Variants in SHISA9 observed in about 807,000 individuals in gnomAD.
SHISA9 encodes the protein shisa family member 9.
SHISA9 carries 13 observed loss-of-function variants against 38.0 expected under a neutral mutation model. The ratio of observed to expected loss-of-function variants is 0.34; its 90% confidence interval spans 0.22 to 0.54. The LOEUF (loss-of-function observed/expected upper bound fraction) is 0.54, where lower values mean the gene tolerates loss of function less well. Among genes scored for constraint, SHISA9 ranks in the 20% least tolerant of loss-of-function variants. SHISA9 has a pLI of 0.91. For synonymous variants in SHISA9, 275 were observed against 242.0 expected (o/e 1.14, Z -1.27); for missense variants, 538 against 575.8 (o/e 0.93, Z 0.67).
intron 3 of SHISA9, among the ~76,000 whole-genome samples, chr16:13,208,355 T>G (rs1005125043): frequency 2.6e-5 from 4 of 152,038 alleles, no homozygotes; most frequent in Admixed American, 1.3e-4. Context: ...TCCTTTCTAT[T>G]TTATTGTATT....
At chr16:13,156,575 A>G (rs1369451165) in intron 2 of SHISA9, among the ~76,000 whole-genome samples, 4 of 152,072 alleles carry the variant, frequency 2.6e-5, no homozygotes, top group South Asian at 2.1e-4. Flanking sequence ...TCTACTAACA[A>G]TACAAAAAAT....
chr16:13,378,321 GTTGGTTTTATT>G, the SHISA9 span, among the ~76,000 whole-genome samples: 16 of 152,288 alleles, frequency 1.1e-4, no homozygotes, highest in African/African-American at 3.9e-4. Context: ...TTTACTGTGT[GTTGGTTTTATT>G]CTTAGGCAAG....
At chr16:13,120,738 G>A (rs746279907) in intron 2 of SHISA9, among the ~76,000 whole-genome samples, 3 of 152,208 alleles carry the variant, frequency 2.0e-5, no homozygotes, top group Non-Finnish European at 2.9e-5. Flanking sequence ...AATGCGTAGA[G>A]GGGCAGGGCT....
the SHISA9 span, among the ~76,000 whole-genome samples, chr16:13,398,603 C>T: frequency 6.6e-6 from 1 of 151,810 alleles, no homozygotes; most frequent in South Asian, 2.1e-4. Flanking sequence ...CACCCCACCT[C>T]CGGTTCGAGC....
intron 2 of SHISA9, among the ~76,000 whole-genome samples, chr16:13,091,672 A>G (rs561448400): frequency 2.0e-5 from 3 of 152,230 alleles, no homozygotes; most frequent in African/African-American, 4.8e-5. Context: ...AGTCTTCTCT[A>G]CACTGTTTAT....
At chr16:13,150,873 T>G (rs1038413687) in intron 2 of SHISA9, among the ~76,000 whole-genome samples, 2 of 152,224 alleles carry the variant, frequency 1.3e-5, no homozygotes, top group Admixed American at 6.5e-5. Context: ...ATGTAACGTT[T>G]CCTTTTTATT....
chr16:13,186,182 G>A (rs2050820176), intron 2 of SHISA9, among the ~76,000 whole-genome samples: 2 of 151,728 alleles, frequency 1.3e-5, no homozygotes, highest in Admixed American at 1.3e-4. Context: ...TTATTGAATG[G>A]GTTTGAGAAT....
At chr16:12,951,034 C>A (rs1315253195) in intron 2 of SHISA9, among the ~76,000 whole-genome samples, 6 of 150,240 alleles carry the variant, frequency 4.0e-5, no homozygotes, top group Non-Finnish European at 7.4e-5. Flanking sequence ...CCAGCCTGGC[C>A]TACATGGTGA....
the SHISA9 span, among the ~76,000 whole-genome samples, chr16:13,497,449 G>T: frequency 8.6e-3 from 1,307 of 152,208 alleles, 21 homozygotes; most frequent in African/African-American, 0.03. Flanking sequence ...ACTTTGGGAG[G>T]CCGAGGCAGG....
intron 2 of SHISA9, among the ~76,000 whole-genome samples, chr16:12,980,908 T>G (rs1161144965): frequency 6.6e-6 from 1 of 152,194 alleles, no homozygotes; most frequent in African/African-American, 2.4e-5. Context: ...TTGGTTCTTT[T>G]AAATATTTTC....
the SHISA9 span, among the ~76,000 whole-genome samples, chr16:13,449,392 T>G: frequency 6.6e-6 from 1 of 152,218 alleles, no homozygotes; most frequent in Admixed American, 6.5e-5. Flanking sequence ...TAGAAAAGTG[T>G]TACTTTAAAA....
intron 2 of SHISA9, among the ~76,000 whole-genome samples, chr16:13,066,625 A>C (rs1295474800): frequency 2.0e-5 from 3 of 152,190 alleles, no homozygotes; most frequent in Admixed American, 1.3e-4. Context: ...TTATCTGTAA[A>C]ATGGGAATAT....
intron 2 of SHISA9, among the ~76,000 whole-genome samples, chr16:13,071,587 T>TCCTC (rs1567202337): frequency 1.2e-4 from 17 of 142,744 alleles, no homozygotes; most frequent in South Asian, 4.5e-4. Flanking sequence ...CTCCCTTCCT[T>TCCTC]CCTTCCTTCC....
the SHISA9 span, among the ~76,000 whole-genome samples, chr16:13,412,588 G>C: frequency 6.6e-6 from 1 of 152,102 alleles, no homozygotes; most frequent in African/African-American, 2.4e-5. Context: ...CGGGCATGAT[G>C]GCTCACACCT....
chr16:13,397,300 GAAA>G, the SHISA9 span, among the ~76,000 whole-genome samples: 1 of 152,188 alleles, frequency 6.6e-6, no homozygotes. Context: ...CCCTGCTGCT[GAAA>G]CCCCTAGGGG....
chr16:13,001,783 T>C lies in SHISA9; in HGVS notation c.691+84968T>C, dbSNP rs2072529010. 2.6e-5 allele frequency among the ~76,000 whole-genome samples: 4 copies of C among 152,228 alleles called. No individual in the cohort carries two copies. The South Asian group carries it at 8.3e-4, about 31-fold the overall frequency. On this transcript the variant is annotated intron_variant, in intron 2 of 4. Transcript: ENST00000558583. The stretch of plus-strand genomic sequence containing the variant: ...CTAGTTAATGAAATGATAAGCATGC[T>C]GACATACTTAGGGAAAAATATACTG...
At chr16:13,254,395 G>C in the SHISA9 span, among the ~76,000 whole-genome samples, 1 of 152,206 alleles carries the variant, frequency 6.6e-6, no homozygotes, top group South Asian at 2.1e-4. Flanking sequence ...CTTCCAGCAT[G>C]ACCATCAGTT....
chr16:13,463,919 A>C, the SHISA9 span, among the ~76,000 whole-genome samples: 5 of 152,184 alleles, frequency 3.3e-5, no homozygotes, highest in East Asian at 9.6e-4. Flanking sequence ...TTGCTTCACT[A>C]TTTAGTTGGC....
At chr16:13,193,150 A>T (rs2142042875) in intron 2 of SHISA9, among the ~76,000 whole-genome samples, 1 of 152,268 alleles carries the variant, frequency 6.6e-6, no homozygotes, top group Middle Eastern at 3.4e-3. Flanking sequence ...TTCTGGGGGC[A>T]GCCTAGCTTG....
Sources: gnomAD v4.1 joint callset for allele counts (sites outside exome capture counted in the v4.1 genomes callset) on GRCh38, gnomAD v4.1.1 for gene constraint, MANE v1.5 for transcripts, NCBI Gene and HGNC (gene_info 2026-07-23, HGNC 2026-07-21) for gene names.